Variants in PARP15 observed in about 807,000 individuals in gnomAD.
PARP15 encodes poly(ADP-ribose) polymerase family member 15, also known as protein mono-ADP-ribosyltransferase PARP15.
In PARP15, 50 loss-of-function variants were observed where a neutral mutation model predicts 62.1. That is an observed-to-expected ratio of 0.81 (90% CI 0.64 to 1.02). The LOEUF is 1.02. Ranked by LOEUF, PARP15 falls within the 50% of genes least tolerant of loss-of-function variation. The pLI is 0.00. For synonymous variants in PARP15, 309 were observed against 293.1 expected, an observed-to-expected ratio of 1.05 and a Z score of -0.55; for missense variants, 820 against 826.5, an observed-to-expected ratio of 0.99 and a Z score of 0.10.
intron 1 of PARP15, chr3:122,595,012 C>G: frequency 2.5e-6 from 1 of 401,960 alleles, no homozygotes; most frequent in Non-Finnish European, 3.4e-6. Flanking sequence ...TCTTGATGTT[C>G]AAAGTGGTTA....
At chr3:122,625,546 C>T (rs761552197) in intron 8 of PARP15, among the ~76,000 whole-genome samples, 7 of 152,022 alleles carry the variant, frequency 4.6e-5, no homozygotes, top group Non-Finnish European at 7.4e-5. Flanking sequence ...GAGCACCTAG[C>T]CTGGAGATAG....
chr3:122,608,369 C>A (rs1043192127), intron 2 of PARP15, among the ~76,000 whole-genome samples: 1 of 152,018 alleles, frequency 6.6e-6, no homozygotes, highest in African/African-American at 2.4e-5. Context: ...GCGCCCACCA[C>A]CATGCCCAGC....
At chr3:122,626,478 G>A (rs901592598) in intron 8 of PARP15, among the ~76,000 whole-genome samples, 1 of 152,146 alleles carries the variant, frequency 6.6e-6, no homozygotes, top group Non-Finnish European at 1.5e-5. Context: ...AATTACAGGC[G>A]TGAGCCACCG....
chr3:122,580,129 A>G (rs4677959), intron 1 of PARP15, among the ~76,000 whole-genome samples: 56,127 of 150,432 alleles, frequency 0.37, 10,886 homozygotes, highest in Admixed American at 0.46. Flanking sequence ...AAAACAAAGT[A>G]CATTCTCTCA....
At chr3:122,615,145 T>C in intron 4 of PARP15, 1 of 1,121,100 alleles carries the variant, frequency 8.9e-7, no homozygotes, top group Non-Finnish European at 1.1e-6. Context: ...ACAACCCAAG[T>C]GAAACTTTAT....
chr3:122,627,627 A>T (rs1936816974), intron 9 of PARP15, among the ~76,000 whole-genome samples: 1 of 152,204 alleles, frequency 6.6e-6, no homozygotes, highest in African/African-American at 2.4e-5. Flanking sequence ...AATAACTAGG[A>T]TTGCAGCCTC....
chr3:122,599,527 T>TTTC (rs1559942785), intron 1 of PARP15, among the ~76,000 whole-genome samples: 3 of 147,774 alleles, frequency 2.0e-5, no homozygotes, highest in Non-Finnish European at 3.0e-5. Context: ...TTTTTTCTTT[T>TTTC]CTTTCCTTTC....
At chr3:122,613,426 C>T (rs1333461773) in intron 4 of PARP15, among the ~76,000 whole-genome samples, 158 bp downstream of exon 4, 2 of 152,182 alleles carry the variant, frequency 1.3e-5, no homozygotes, top group Admixed American at 6.5e-5. Context: ...TGAGCCAACA[C>T]TGATAACTCA....
chr3:122,615,527 A>G, intron 4 of PARP15: 1 of 1,121,808 alleles, frequency 8.9e-7, no homozygotes, highest in Non-Finnish European at 1.2e-6. Context: ...GCAGAGCCAC[A>G]GTCAGCACCC....
chr3:122,600,636 A>G (rs867124039), intron 1 of PARP15, among the ~76,000 whole-genome samples: 1 of 152,094 alleles, frequency 6.6e-6, no homozygotes, highest in Non-Finnish European at 1.5e-5. Flanking sequence ...GCACATACCT[A>G]GTTTTCATAA....
chr3:122,591,519 T>G (rs1559931102), intron 1 of PARP15, among the ~76,000 whole-genome samples: 4 of 152,118 alleles, frequency 2.6e-5, no homozygotes, highest in Admixed American at 2.0e-4. Flanking sequence ...TCCCAGCACT[T>G]TGGGAGGCCG....
At position 122,615,799 on chromosome 3, in the gene PARP15, T is replaced by C. The variant is rs1559969213; in HGVS notation, c.792T>C (p.Thr264=). 3.7e-6 allele frequency: 6 copies of C among 1,613,266 alleles called. No individual in the cohort carries two copies. The South Asian group carries it at 4.4e-5, about 12-fold the overall frequency. Residue 264 remains threonine (T), a synonymous_variant, in exon 5 of 12, where the codon ACT becomes ACC. Transcript: ENST00000464300. ...TCCAGGCATTTTTAGATGAATTCAC[T>C]AACTGGTCAAGAATAAATCCCAACA... ...EGCQAFLDEF[T]NWSRINPNKA...
rs550926157 is a variant in PARP15, at chr3:122,625,818, A to G, written c.1232-1009A>G. ...CCATGGCTTTTTGTACCGCAGCCCT[A>G]GCTAACTTCAAGAGGGATCAAATGA... On this transcript the variant is annotated intron_variant, in intron 8 of 11. Transcript: ENST00000464300. 1.3e-4 allele frequency among the ~76,000 whole-genome samples: 20 copies of G among 152,298 alleles called. No homozygotes were observed. The South Asian group carries it at 2.7e-3, about 21-fold the overall frequency.
chr3:122,621,090 G>A (rs929403611), intron 7 of PARP15, among the ~76,000 whole-genome samples: 27 of 152,168 alleles, frequency 1.8e-4, no homozygotes, highest in African/African-American at 6.0e-4. Context: ...GCTTGGGTTC[G>A]AGTCCTAGGC....
chr3:122,638,889 A>G lies in PARP15; in HGVS notation c.*2789A>G, dbSNP rs1233774249. ...TATTTTTTCTGTAAACATAATTTTA[A>G]TGGCAGAGATATTCTGCTTTATATC... On this transcript the variant is annotated 3_prime_UTR_variant, in exon 12 of 12. Transcript: ENST00000464300. The G allele has an allele frequency of 6.6e-6, 1 of 152,114 alleles. No homozygotes were observed. The highest frequency in any genetic ancestry group is 1.5e-5 in the Non-Finnish European group (1 of 68,026). 9.4% of individuals were successfully genotyped at this position (152,114 alleles called of 1,614,324 possible). A position where few individuals can be genotyped will look rare whatever the true frequency, so the allele number is the denominator to read the frequency against.
At chr3:122,612,952 G>A in intron 3 of PARP15, 89 bp from the exon 4 acceptor site, 1 of 1,142,924 alleles carries the variant, frequency 8.7e-7, no homozygotes, top group East Asian at 2.6e-5. Context: ...TAGCAGAGAG[G>A]TCCTTGTCAG....
rs1217302629 is a variant in PARP15 at position 122,635,004 on chromosome 3, C to T, written c.1573-16C>T. ...CAAGGTCCTTTCTGAAATATTTTGTCTTTTGTTACCTGCAGATTGAGAGGA... is the reference window on the plus strand; with the variant it reads ...CAAGGTCCTTTCTGAAATATTTTGTTTTTTGTTACCTGCAGATTGAGAGGA... On this transcript the variant is annotated splice_polypyrimidine_tract_variant and intron_variant, in intron 10 of 11. Coordinates refer to ENST00000464300, the MANE Select transcript of PARP15 (RefSeq NM_001113523.3). The T allele has an allele frequency of 6.2e-7, 1 of 1,612,722 alleles. No individual in the cohort carries two copies. The highest frequency in any genetic ancestry group is 1.1e-5 in the South Asian group (1 of 90,768).
At chr3:122,614,977 T>A (rs1327528943) in intron 4 of PARP15, 1 of 746,990 alleles carries the variant, frequency 1.3e-6, no homozygotes. Flanking sequence ...CTGCAGTGAG[T>A]CAAGATCATG....
chr3:122,608,206 CTCTTTTCTTTTTTTTT>C (rs973330147), intron 2 of PARP15, among the ~76,000 whole-genome samples: 2 of 144,980 alleles, frequency 1.4e-5, no homozygotes, highest in African/African-American at 5.2e-5. Flanking sequence ...TTTTTTCTTT[CTCTTTTCTTTTTTTTT>C]TTTTTTTTTT....
Sources: gnomAD v4.1 joint callset for allele counts (sites outside exome capture counted in the v4.1 genomes callset) on GRCh38, gnomAD v4.1.1 for gene constraint, MANE v1.5 for transcripts, NCBI Gene and HGNC (gene_info 2026-07-23, HGNC 2026-07-21) for gene names.